The following CCL28 variants were observed in gnomAD, a reference collection of about 807,000 sequenced individuals.
CCL28 encodes C-C motif chemokine 28.
Under a neutral mutation model 7.1 loss-of-function variants are expected in CCL28, and 4 were observed. The observed-to-expected ratio is 0.56, with a 90% CI of 0.28 to 1.29. The LOEUF (loss-of-function observed/expected upper bound fraction) is 1.29. Ranked by LOEUF, CCL28 falls within the 50% of genes most tolerant of loss-of-function variation. The pLI is 0.11. For missense variants in CCL28, 151 were observed against 163.4 expected (o/e 0.92, Z 0.41); for synonymous variants, 55 against 57.8 (o/e 0.95, Z 0.22).
At chr5:43,410,194 C>T (rs985732356) in intron 1 of CCL28, among the ~76,000 whole-genome samples, 12 of 152,186 alleles carry the variant, frequency 7.9e-5, no homozygotes, top group Non-Finnish European at 2.9e-5. Context: ...CTCTACCTTC[C>T]TCCCTCCCCA....
the CCL28 span, among the ~76,000 whole-genome samples, chr5:43,359,989 T>C: frequency 6.6e-6 from 1 of 151,996 alleles, no homozygotes; most frequent in South Asian, 2.1e-4. Flanking sequence ...CCATAAAAAC[T>C]CAGGATTCAG....
At chr5:43,378,508 A>G (rs1368503794), downstream of CCL28, among the ~76,000 whole-genome samples, 1 of 152,240 alleles carries the variant, frequency 6.6e-6, no homozygotes, top group Non-Finnish European at 1.5e-5. Context: ...TTCAAAAAGA[A>G]AACTTAAAGG....
At chr5:43,364,288 CA>C in the CCL28 span, among the ~76,000 whole-genome samples, 1 of 136,828 alleles carries the variant, frequency 7.3e-6, no homozygotes, top group African/African-American at 2.8e-5. Flanking sequence ...TAATTTTCCA[CA>C]AAAGCAAAAC....
At chr5:43,401,066 G>C (rs999185258) in intron 1 of CCL28, among the ~76,000 whole-genome samples, 13 of 147,006 alleles carry the variant, frequency 8.8e-5, no homozygotes, top group Admixed American at 7.6e-4. Context: ...GTGGGCAACA[G>C]AGCAAGACTC....
At chr5:43,384,668 G>T (rs1224392563) in intron 2 of CCL28, among the ~76,000 whole-genome samples, 1 of 151,910 alleles carries the variant, frequency 6.6e-6, no homozygotes, top group Non-Finnish European at 1.5e-5. Context: ...ACCCTCAGGA[G>T]GATAGCTGGA....
chr5:43,384,076 G>C (rs767275538), intron 2 of CCL28: 1 of 155,528 alleles, frequency 6.4e-6, no homozygotes, highest in African/African-American at 2.4e-5. Context: ...GACAACAAGA[G>C]GGAAACTCCG....
chr5:43,357,027 C>T, the CCL28 span, among the ~76,000 whole-genome samples: 4 of 152,320 alleles, frequency 2.6e-5, no homozygotes, highest in East Asian at 7.7e-4. Flanking sequence ...TAGGGGTCAG[C>T]TGATCCAGAG....
chr5:43,372,198 G>T (rs1241507723), downstream of CCL28, among the ~76,000 whole-genome samples: 1 of 152,114 alleles, frequency 6.6e-6, no homozygotes, highest in Non-Finnish European at 1.5e-5. Context: ...TGAGTTTTGG[G>T]GGGCAAACAT....
chr5:43,378,632 AGC>A (rs1334443511), downstream of CCL28, among the ~76,000 whole-genome samples: 2 of 152,244 alleles, frequency 1.3e-5, no homozygotes, highest in African/African-American at 4.8e-5. Flanking sequence ...TGTTTTACTA[AGC>A]ACATGCAATA....
intron 1 of CCL28, among the ~76,000 whole-genome samples, chr5:43,404,007 T>C (rs181177766): frequency 1.3e-5 from 2 of 152,272 alleles, no homozygotes; most frequent in African/African-American, 4.8e-5. Context: ...TATGGGACTA[T>C]GTGAAAAGAC....
chr5:43,367,178 G>A, the CCL28 span, among the ~76,000 whole-genome samples: 1 of 152,218 alleles, frequency 6.6e-6, no homozygotes, highest in South Asian at 2.1e-4. Context: ...CTCTGTGGGG[G>A]TGGATCTGCT....
downstream of CCL28, among the ~76,000 whole-genome samples, chr5:43,372,691 A>G (rs1739806371): frequency 6.6e-6 from 1 of 151,596 alleles, no homozygotes. Flanking sequence ...CACTATATGC[A>G]TATAATATTT....
At chr5:43,364,547 A>G in the CCL28 span, among the ~76,000 whole-genome samples, 1 of 152,172 alleles carries the variant, frequency 6.6e-6, no homozygotes, top group African/African-American at 2.4e-5. Flanking sequence ...GATTTCTGGC[A>G]GCCTTATGGT....
chr5:43,396,844 T>C (rs756460592), intron 1 of CCL28, among the ~76,000 whole-genome samples: 19 of 152,206 alleles, frequency 1.2e-4, no homozygotes, highest in Non-Finnish European at 2.6e-4. Context: ...TCTGTAGTCG[T>C]GGCTGCCGTG....
At chr5:43,408,189 T>C (rs6868939) in intron 1 of CCL28, among the ~76,000 whole-genome samples, 13,197 of 152,230 alleles carry the variant, frequency 0.087, 1,065 homozygotes, top group African/African-American at 0.21. Flanking sequence ...CACATGCACA[T>C]GTATGTTTAT....
At chr5:43,375,242 G>A (rs1424218510), downstream of CCL28, among the ~76,000 whole-genome samples, 1 of 151,218 alleles carries the variant, frequency 6.6e-6, no homozygotes, top group Non-Finnish European at 1.5e-5. Context: ...ACCCACCACG[G>A]TCTCCCAAAG....
At chr5:43,383,518 G>C (rs980135820) in intron 2 of CCL28, among the ~76,000 whole-genome samples, 2 of 152,126 alleles carry the variant, frequency 1.3e-5, no homozygotes, top group Non-Finnish European at 2.9e-5. Context: ...ATATTAATTT[G>C]AAAGAAGTGG....
Position 43,380,866 on chromosome 5 carries a change from A to C in CCL28, c.*994T>G, listed in dbSNP as rs1238355851. The C allele has an allele frequency of 6.6e-6, 1 of 152,160 alleles. No individual in the cohort carries two copies. Among genetic ancestry groups the C allele is most frequent in the Admixed American group, 6.5e-5 (1 of 15,268 alleles). 9.4% of individuals were successfully genotyped at this position (152,160 alleles called of 1,614,324 possible). Reference sequence around the variant, plus strand: ...CAGAGGAACTTTCTTAGATTGAAAGATATTAAAGAAAAATAACAATTATTT... The same window carrying C: ...CAGAGGAACTTTCTTAGATTGAAAGCTATTAAAGAAAAATAACAATTATTT... On this transcript the variant is annotated 3_prime_UTR_variant, in exon 3 of 3. Transcript: ENST00000361115.
the CCL28 span, among the ~76,000 whole-genome samples, chr5:43,359,767 C>A: frequency 6.6e-6 from 1 of 152,150 alleles, no homozygotes; most frequent in Non-Finnish European, 1.5e-5. Context: ...TATTGTAAGA[C>A]CTAAGACTGG....
Sources: gnomAD v4.1 joint callset for allele counts (sites outside exome capture counted in the v4.1 genomes callset) on GRCh38, gnomAD v4.1.1 for gene constraint, MANE v1.5 for transcripts, NCBI Gene and HGNC (gene_info 2026-07-23, HGNC 2026-07-21) for gene names.